The following TMTC4 variants were observed in gnomAD, a reference collection of about 807,000 sequenced individuals.
TMTC4 encodes the protein protein O-mannosyl-transferase TMTC4.
Under a neutral mutation model 86.0 loss-of-function variants are expected in TMTC4, and 65 were observed. The observed-to-expected ratio is 0.76, with a 90% CI of 0.62 to 0.93. TMTC4 has a LOEUF of 0.93. Among genes scored for constraint, TMTC4 ranks in the 40% least tolerant of loss-of-function variants. TMTC4 has a pLI of 0.00. For synonymous variants in TMTC4, 379 were observed against 382.5 expected, an observed-to-expected ratio of 0.99 and a Z score of 0.11; for missense variants, 866 against 948.1, an observed-to-expected ratio of 0.91 and a Z score of 1.14.
At chr13:100,647,525 A>C (rs182233332) in intron 6 of TMTC4, among the ~76,000 whole-genome samples, 1 of 152,166 alleles carries the variant, frequency 6.6e-6, no homozygotes, top group Non-Finnish European at 1.5e-5. Context: ...ACATTCCCCA[A>C]TGTAACAGTC....
chr13:100,668,663 CACT>C lies in TMTC4; in HGVS notation c.132_134del (p.Val45del). 2 of 1,614,218 alleles carry C rather than the reference CACT, an allele frequency of 1.2e-6. No homozygotes were observed. The highest frequency in any genetic ancestry group is 1.3e-5 in the African/African-American group (1 of 75,048). ...CAAAACACACAATGGCAACCGATCC[CACT>C]ACTAACTTAGCCCAGAATGGAGGAA... is the stretch of plus-strand genomic sequence containing the variant. On this transcript the variant is annotated inframe_deletion, in exon 3 of 19. Coordinates refer to ENST00000342624, the MANE Select transcript of TMTC4 (RefSeq NM_032813.5).
intron 6 of TMTC4, 81 bp from the exon 7 acceptor site, chr13:100,642,392 CAA>C: frequency 6.8e-7 from 1 of 1,472,116 alleles, no homozygotes; most frequent in South Asian, 1.2e-5. Context: ...AAATTCTAAG[CAA>C]ATACCTTAAA....
intron 6 of TMTC4, 129 bp downstream of exon 6, chr13:100,656,252 C>T (rs1885090628): frequency 2.9e-6 from 2 of 688,222 alleles, no homozygotes; most frequent in Admixed American, 6.6e-5. Flanking sequence ...GTTTATGCAT[C>T]CTCTGGCCCA....
intron 6 of TMTC4, among the ~76,000 whole-genome samples, chr13:100,646,902 C>G (rs1450691266): frequency 6.6e-6 from 1 of 152,170 alleles, no homozygotes; most frequent in African/African-American, 2.4e-5. Flanking sequence ...CACTCATCAG[C>G]AGATAAGTAT....
At chr13:100,610,907 T>A (rs1262984572) in intron 17 of TMTC4, among the ~76,000 whole-genome samples, 1 of 152,166 alleles carries the variant, frequency 6.6e-6, no homozygotes, top group Non-Finnish European at 1.5e-5. Flanking sequence ...AAACCTCACC[T>A]CCTTCCCCTG....
In TMTC4 at chr13:100,626,051, G is replaced by T; in HGVS notation, c.1586+20C>A. On this transcript the variant is annotated intron_variant, in intron 13 of 18. Transcript: ENST00000342624. ...AACGATCTGTGTACATAATTCTTCT[G>T]TAAGACATACTCGCCATACCTTACA... The T allele has an allele frequency of 6.2e-7, 1 of 1,614,038 alleles. No individual in the cohort carries two copies. The highest frequency in any genetic ancestry group is 1.1e-5 in the South Asian group (1 of 91,086).
At chr13:100,634,034 G>A (rs1881823841) in intron 12 of TMTC4, among the ~76,000 whole-genome samples, 1 of 151,940 alleles carries the variant, frequency 6.6e-6, no homozygotes, top group South Asian at 2.1e-4. Context: ...AGCTACTCAG[G>A]AGGCTGAGGC....
intron 15 of TMTC4, among the ~76,000 whole-genome samples, chr13:100,615,515 C>A (rs1566564922): frequency 6.6e-6 from 1 of 152,134 alleles, no homozygotes. Context: ...TGGCTCACTG[C>A]AACCTCTGCT....
At chr13:100,623,011 CAA>C (rs1235225274) in intron 15 of TMTC4, among the ~76,000 whole-genome samples, 1 of 152,178 alleles carries the variant, frequency 6.6e-6, no homozygotes, top group African/African-American at 2.4e-5. Context: ...ACTCCAGAAA[CAA>C]AGACAGTAAG....
intron 9 of TMTC4, among the ~76,000 whole-genome samples, chr13:100,637,085 T>C (rs1311594806): frequency 6.6e-6 from 1 of 152,142 alleles, no homozygotes; most frequent in East Asian, 1.9e-4. Context: ...TCGATGGCTG[T>C]TCTCTTGATT....
chr13:100,645,480 CCT>C (rs1033364841), intron 6 of TMTC4, among the ~76,000 whole-genome samples: 1 of 152,194 alleles, frequency 6.6e-6, no homozygotes, highest in African/African-American at 2.4e-5. Flanking sequence ...CCTGACTGCC[CCT>C]GTGAGCAGGT....
intron 6 of TMTC4, among the ~76,000 whole-genome samples, chr13:100,642,512 C>A (rs1184845575): frequency 6.6e-6 from 1 of 152,178 alleles, no homozygotes; most frequent in African/African-American, 2.4e-5. Flanking sequence ...ACTCAAGGCT[C>A]TCCTGAGAAC....
At chr13:100,606,517 T>C in intron 17 of TMTC4, 90 bp from the exon 18 acceptor site, 1 of 1,028,728 alleles carries the variant, frequency 9.7e-7, no homozygotes. Context: ...TTTCAAACTT[T>C]TAACCTCCTC....
chr13:100,614,491 CA>C, intron 15 of TMTC4, 61 bp from the exon 16 acceptor site: 1 of 777,158 alleles, frequency 1.3e-6, no homozygotes, highest in Non-Finnish European at 2.0e-6. Flanking sequence ...CTTTCCAAGA[CA>C]TTATTAAAAA....
chr13:100,645,873 C>CAGT (rs1883668243), intron 6 of TMTC4, among the ~76,000 whole-genome samples: 1 of 152,118 alleles, frequency 6.6e-6, no homozygotes, highest in Non-Finnish European at 1.5e-5. Context: ...GAATGTTTAG[C>CAGT]AGTACCCTCA....
At chr13:100,665,941 T>C (rs1886345355) in intron 3 of TMTC4, 1 of 449,244 alleles carries the variant, frequency 2.2e-6, no homozygotes, top group Non-Finnish European at 4.5e-6. Context: ...CTCCCTTCGT[T>C]GACTCAGTGA....
chr13:100,658,722 C>T (rs542124475), intron 5 of TMTC4, among the ~76,000 whole-genome samples: 16 of 152,300 alleles, frequency 1.1e-4, no homozygotes, highest in Admixed American at 6.5e-4. Context: ...CTTATTTTTA[C>T]AGAAATGTTT....
At chr13:100,614,553 C>G in intron 15 of TMTC4, 123 bp from the exon 16 acceptor site, 2 of 709,990 alleles carry the variant, frequency 2.8e-6, no homozygotes, top group Non-Finnish European at 4.5e-6. Context: ...AAACCAAAAC[C>G]TAACTTTAAT....
chr13:100,611,649 C>T (rs1012182966), intron 17 of TMTC4, among the ~76,000 whole-genome samples: 4 of 152,178 alleles, frequency 2.6e-5, no homozygotes, highest in Non-Finnish European at 4.4e-5. Context: ...ACCTAACCCA[C>T]GAAGCCAATC....
Sources: gnomAD v4.1 joint callset for allele counts (sites outside exome capture counted in the v4.1 genomes callset) on GRCh38, gnomAD v4.1.1 for gene constraint, MANE v1.5 for transcripts, NCBI Gene and HGNC (gene_info 2026-07-23, HGNC 2026-07-21) for gene names.